EFCAB13: variants seen among roughly 807,000 people sequenced by gnomAD.
The protein encoded by EFCAB13 is EF-hand calcium binding domain 13, also known as EF-hand calcium-binding domain-containing protein 13.
Under a neutral mutation model 110.2 loss-of-function variants are expected in EFCAB13, and 91 were observed. The observed-to-expected ratio is 0.83, with a 90% CI of 0.70 to 0.98. The LOEUF (loss-of-function observed/expected upper bound fraction) is 0.98. Among genes scored for constraint, EFCAB13 ranks in the 50% least tolerant of loss-of-function variants. EFCAB13 has a pLI of 0.00. For synonymous variants in EFCAB13, 323 were observed against 369.9 expected (o/e 0.87, Z 1.45); for missense variants, 968 against 1,119.4 (o/e 0.86, Z 1.93).
intron 11 of EFCAB13, among the ~76,000 whole-genome samples, chr17:47,372,842 G>C (rs1439212345): frequency 6.6e-6 from 1 of 152,016 alleles, no homozygotes; most frequent in East Asian, 1.9e-4. Context: ...GCTATTTTCA[G>C]AATCTCCCTC....
chr17:47,374,958 G>A lies in EFCAB13; in HGVS notation c.1364G>A (p.Ser455Asn), dbSNP rs1274301124. Residue 455 changes from serine to asparagine, a missense_variant, in exon 12 of 25, where the codon AGT becomes AAT. Ser to Asn is a conservative substitution (Grantham distance 46). Coordinates refer to ENST00000331493, the MANE Select transcript of EFCAB13 (RefSeq NM_152347.5). ...QVSSTEKTAI[S>N]TLENFCEAIS... is the part of the protein sequence containing the mutation. ...TCGTCTACGGAAAAAACTGCAATTA[G>A]TACTCTGGGTAAGTAAAAATCTAGG... 4.5e-6 allele frequency: 7 copies of A among 1,558,962 alleles called. No individual in the cohort carries two copies. The highest frequency in any genetic ancestry group is 6.0e-6 in the Non-Finnish European group (7 of 1,160,736).
At chr17:47,406,781 G>A (rs1016177436) in intron 20 of EFCAB13, among the ~76,000 whole-genome samples, 1 of 152,106 alleles carries the variant, frequency 6.6e-6, no homozygotes, top group African/African-American at 2.4e-5. Context: ...TAGCCTTCCA[G>A]AAATGTCAAG....
In EFCAB13 at chr17:47,335,263, C is replaced by T. The variant is rs34134208; in HGVS notation, c.98C>T (p.Thr33Ile). 0.012 allele frequency: 18,861 copies of T among 1,611,064 alleles called. 144 individuals are homozygous for T. Among genetic ancestry groups the T allele is most frequent in the Non-Finnish European group, 0.014 (16,312 of 1,179,010 alleles). ...TTTGCAACTGACTTGTCATCAGGAACTATTAACCACAAGAAATACATCAAG... is the reference window on the plus strand; with the variant it reads ...TTTGCAACTGACTTGTCATCAGGAATTATTAACCACAAGAAATACATCAAG... ...NSFATDLSSGTINHKKYIKFS... is the reference protein window; with the variant it reads ...NSFATDLSSGIINHKKYIKFS... The change falls in exon 5 of 25, where the codon ACT becomes ATT. Residue 33 changes from threonine to isoleucine, a missense_variant. Coordinates refer to ENST00000331493, the MANE Select transcript of EFCAB13 (RefSeq NM_152347.5).
Position 47,401,217 on chromosome 17 carries a change from A to C in EFCAB13, c.1946-915A>C, listed in dbSNP as rs528476776. On this transcript the variant is annotated intron_variant, in intron 17 of 24. Coordinates refer to ENST00000331493, the MANE Select transcript of EFCAB13 (RefSeq NM_152347.5). ...GTGAGACATTGTTAATTGTAGCTATATACTTAAGCCCTGTTCAGGCTTTTA... is the reference window on the plus strand; with the variant it reads ...GTGAGACATTGTTAATTGTAGCTATCTACTTAAGCCCTGTTCAGGCTTTTA... Among the ~76,000 whole-genome samples the C allele has an allele frequency of 2.6e-3, 396 of 152,370 alleles. 4 individuals carry two copies. The highest frequency in any genetic ancestry group is 9.3e-3 in the African/African-American group (387 of 41,592).
chr17:47,374,290 C>T (rs1324524674), intron 11 of EFCAB13, among the ~76,000 whole-genome samples, 182 bp from the exon 12 acceptor site: 1 of 152,156 alleles, frequency 6.6e-6, no homozygotes, highest in Non-Finnish European at 1.5e-5. Context: ...CAGCACATTA[C>T]ATTTGACCTA....
At position 47,374,802 on chromosome 17, in the gene EFCAB13, C is replaced by CA; in HGVS notation, c.1211dup (p.Ser405ValfsTer2). The CA allele has an allele frequency of 6.2e-7, 1 of 1,613,956 alleles. No individual in the cohort carries two copies. Among genetic ancestry groups the CA allele is most frequent in the East Asian group, 2.2e-5 (1 of 44,856 alleles). ...TCAGAGAAGGGTGAAATTCATGACT[C>CA]AAAGTCTAAACCACAAAGCTTGAAG... On this transcript the variant is annotated frameshift_variant, in exon 12 of 25. Transcript: ENST00000331493. LOFTEE classifies it high-confidence loss of function.
chr17:47,349,835 C>T (rs1244267766), intron 9 of EFCAB13, among the ~76,000 whole-genome samples: 6 of 140,708 alleles, frequency 4.3e-5, no homozygotes, highest in East Asian at 4.2e-4. Context: ...ACTGCAGTGG[C>T]GCAATCTCGG....
intron 5 of EFCAB13, among the ~76,000 whole-genome samples, chr17:47,336,668 T>C (rs904597516): frequency 3.0e-4 from 45 of 150,006 alleles, no homozygotes; most frequent in African/African-American, 1.1e-3. Context: ...CTTGAACTCC[T>C]GACCTCATGA....
intron 14 of EFCAB13, among the ~76,000 whole-genome samples, chr17:47,380,262 G>A (rs868471826): frequency 2.0e-4 from 30 of 151,822 alleles, no homozygotes; most frequent in Admixed American, 6.6e-5. Context: ...CCCAGTGTGT[G>A]ATGTTCCCCT....
chr17:47,325,920 CAAAA>C (rs1567776749), intron 2 of EFCAB13, among the ~76,000 whole-genome samples: 4 of 48,352 alleles, frequency 8.3e-5, no homozygotes, highest in Non-Finnish European at 1.5e-4. Context: ...TATATATAAA[CAAAA>C]TATATATATA....
At position 47,325,927 on chromosome 17, in the gene EFCAB13, T is replaced by TATATATATC. The variant is rs1555575766; in HGVS notation, c.-247-291_-247-290insCATATATAT. On this transcript the variant is annotated intron_variant, in intron 2 of 24. Coordinates refer to ENST00000331493, the MANE Select transcript of EFCAB13 (RefSeq NM_152347.5). ...ATTTTATATATATATAAACAAAATA[T>TATATATATC]ATATATATATATATATATATATATA... Among the ~76,000 whole-genome samples, 5 of 31,648 alleles carry TATATATATC rather than the reference T, an allele frequency of 1.6e-4. No individual in the cohort carries two copies. In the East Asian group the frequency reaches 3.0e-3, roughly 19 times the overall value. 20.8% of individuals were successfully genotyped at this position (31,648 alleles called of 152,430 possible). A position where few individuals can be genotyped will look rare whatever the true frequency, so the allele number is the denominator to read the frequency against.
chr17:47,335,881 T>G (rs2065346862), intron 5 of EFCAB13, among the ~76,000 whole-genome samples: 2 of 152,190 alleles, frequency 1.3e-5, no homozygotes, highest in South Asian at 4.2e-4. Flanking sequence ...TCCTACCAGG[T>G]CTCTCCCCCA....
At position 47,394,544 on chromosome 17, in the gene EFCAB13, G is replaced by A. The variant is rs763766647; in HGVS notation, c.1801+445G>A. ...TAATATGTACTAGGCTTTATGTTAAGCTGTAAGTGTGGTAATATGGAAAAG... is the reference window on the plus strand; with the variant it reads ...TAATATGTACTAGGCTTTATGTTAAACTGTAAGTGTGGTAATATGGAAAAG... On this transcript the variant is annotated intron_variant, in intron 16 of 24. Transcript: ENST00000331493. Among the ~76,000 whole-genome samples, 68 of 152,128 alleles carry A rather than the reference G, an allele frequency of 4.5e-4. 1 individual carries two copies. Among genetic ancestry groups the A allele is most frequent in the South Asian group, 2.1e-4 (1 of 4,822 alleles).
chr17:47,354,465 G>C (rs1226603391), intron 9 of EFCAB13, among the ~76,000 whole-genome samples: 2 of 152,122 alleles, frequency 1.3e-5, no homozygotes, highest in African/African-American at 4.8e-5. Flanking sequence ...AATGCTGTCA[G>C]TTGAGTATTG....
At chr17:47,328,469 C>T in intron 4 of EFCAB13, 86 bp downstream of exon 4, 1 of 1,085,254 alleles carries the variant, frequency 9.2e-7, no homozygotes, top group Non-Finnish European at 1.3e-6. Flanking sequence ...AATCAGTAAG[C>T]AAATTCATAG....
Position 47,345,076 on chromosome 17 carries a change from T to C in EFCAB13, c.495T>C (p.Tyr165=), listed in dbSNP as rs1451966739. 12 of 1,604,080 alleles carry C rather than the reference T, an allele frequency of 7.5e-6. No homozygotes were observed. Among genetic ancestry groups the C allele is most frequent in the Non-Finnish European group, 8.5e-6 (10 of 1,175,342 alleles). ...MTLYDEVTHG[Y]LHSKELSALH... ...TATATGATGAAGTAACCCATGGATA[T>C]TTACACTCAAAAGAATTAAGTGGTA... Residue 165 remains tyrosine, a synonymous_variant, in exon 8 of 25, where the codon TAT becomes TAC. Coordinates refer to ENST00000331493, the MANE Select transcript of EFCAB13 (RefSeq NM_152347.5).
Position 47,374,720 on chromosome 17 carries a change from A to G in EFCAB13, c.1126A>G (p.Ser376Gly), listed in dbSNP as rs767306344. Residue 376 changes from serine to glycine, a missense_variant, in exon 12 of 25, where the codon AGT becomes GGT. Coordinates refer to ENST00000331493, the MANE Select transcript of EFCAB13 (RefSeq NM_152347.5). ...IRKFLGGVGSSNVGVQEPYSK... is the reference protein window; with the variant it reads ...IRKFLGGVGSGNVGVQEPYSK... ...AAAATTTCTGGGTGGGGTTGGCAGC[A>G]GTAATGTAGGAGTCCAAGAACCATA... 5 of 1,613,906 alleles carry G rather than the reference A, an allele frequency of 3.1e-6. No homozygotes were observed. In the African/African-American group the frequency reaches 6.7e-5, roughly 22 times the overall value.
chr17:47,419,847 A>T (rs947592499), intron 23 of EFCAB13, among the ~76,000 whole-genome samples: 6 of 152,176 alleles, frequency 3.9e-5, no homozygotes, highest in Non-Finnish European at 8.8e-5. Context: ...AGTATGTTTT[A>T]AAAATGAAAT....
At chr17:47,405,283 T>C (rs969383122) in intron 20 of EFCAB13, among the ~76,000 whole-genome samples, 1 of 152,186 alleles carries the variant, frequency 6.6e-6, no homozygotes, top group African/African-American at 2.4e-5. Flanking sequence ...ACATATATCT[T>C]TGTGCACGTT....
Sources: allele counts gnomAD v4.1 joint callset (sites outside exome capture counted in the v4.1 genomes callset), GRCh38; gene constraint gnomAD v4.1.1; transcripts MANE v1.5; gene names NCBI Gene and HGNC (gene_info 2026-07-23, HGNC 2026-07-21).